PROS1: variants seen among roughly 807,000 people sequenced by gnomAD.
PROS1 encodes the protein protein S.
A neutral mutation model predicts 75.9 loss-of-function variants in PROS1; 29 were observed. That is an observed-to-expected ratio of 0.38 (90% CI 0.28 to 0.52). PROS1 has a LOEUF of 0.52. Among genes scored for constraint, PROS1 ranks in the 20% least tolerant of loss-of-function variants. The pLI, the probability that PROS1 is intolerant of heterozygous loss-of-function variation, is 0.83. For missense variants in PROS1, 680 were observed against 810.3 expected, an observed-to-expected ratio of 0.84 and a Z score of 1.95; for synonymous variants, 245 against 280.6, an observed-to-expected ratio of 0.87 and a Z score of 1.27.
intron 1 of PROS1, among the ~76,000 whole-genome samples, chr3:93,955,060 A>T (rs1161896768): frequency 6.6e-6 from 1 of 152,218 alleles, no homozygotes; most frequent in Admixed American, 6.5e-5. Flanking sequence ...GGCAACCATT[A>T]AAAAGTCAGG....
Position 93,906,578 on chromosome 3 carries a change from C to G in PROS1, c.347-435G>C, listed in dbSNP as rs541520208. ...TCCACTCTGATCTTAGAGGCATGGC[C>G]AGGGCTGCACGTGCCATGGAGCTGG... On this transcript the variant is annotated intron_variant, in intron 4 of 14. Coordinates refer to ENST00000394236, the MANE Select transcript of PROS1 (RefSeq NM_000313.4). Among the ~76,000 whole-genome samples, 6 of 152,314 alleles carry G rather than the reference C, an allele frequency of 3.9e-5. No individual in the cohort carries two copies. The South Asian group carries it at 1.2e-3, about 32-fold the overall frequency.
intron 1 of PROS1, among the ~76,000 whole-genome samples, chr3:93,952,728 C>A (rs563826308): frequency 1.3e-5 from 2 of 152,208 alleles, no homozygotes; most frequent in South Asian, 4.1e-4. Flanking sequence ...TAACTAAGAT[C>A]AGAGCAGAAC....
intron 1 of PROS1, among the ~76,000 whole-genome samples, chr3:93,962,550 T>G (rs1207236537): frequency 6.6e-6 from 1 of 152,182 alleles, no homozygotes; most frequent in Non-Finnish European, 1.5e-5. Flanking sequence ...CCCAAAAACC[T>G]TTAGTGATTA....
At chr3:93,936,494 G>T (rs748845305) in intron 1 of PROS1, among the ~76,000 whole-genome samples, 2 of 152,050 alleles carry the variant, frequency 1.3e-5, no homozygotes, top group Non-Finnish European at 2.9e-5. Flanking sequence ...GGGACTCAGG[G>T]GAGTTCTCTA....
At chr3:93,941,544 T>C (rs1212717525) in intron 1 of PROS1, among the ~76,000 whole-genome samples, 1 of 152,178 alleles carries the variant, frequency 6.6e-6, no homozygotes, top group Non-Finnish European at 1.5e-5. Context: ...GCTGACCCCA[T>C]AGATCCTAAA....
chr3:93,896,618 C>T lies in PROS1; in HGVS notation c.923G>A (p.Gly308Glu). Residue 308 changes from glycine (G) to glutamate (E), a missense_variant, in exon 9 of 15, where the codon GGG becomes GAG. By Grantham distance (98) the Gly-to-Glu change is moderately conservative. Transcript: ENST00000394236. ...ACGAAATTTTAAATATAAAACAACC[C>T]CTGCAAACTGCTCCGCCAAGTAAAG... ...ELLYLAEQFA[G>E]VVLYLKFRLP... 6.2e-7 allele frequency: 1 copy of T among 1,613,782 alleles called. No individual in the cohort carries two copies.
At chr3:93,884,605 C>T in intron 12 of PROS1, 123 bp downstream of exon 12, 1 of 1,121,380 alleles carries the variant, frequency 8.9e-7, no homozygotes, top group East Asian at 2.6e-5. Context: ...TATGAATAAG[C>T]ATAAGACTAG....
chr3:93,881,287 A>G (rs1261471299), intron 12 of PROS1, among the ~76,000 whole-genome samples: 1 of 152,090 alleles, frequency 6.6e-6, no homozygotes, highest in Non-Finnish European at 1.5e-5. Flanking sequence ...GCACCACTGC[A>G]CTCCAGCCTG....
At chr3:93,895,748 T>A (rs1677419876) in intron 9 of PROS1, among the ~76,000 whole-genome samples, 2 of 152,178 alleles carry the variant, frequency 1.3e-5, no homozygotes, top group Admixed American at 1.3e-4. Context: ...GGTGATCACC[T>A]GAGGTCAGGA....
chr3:93,918,534 G>A (rs1223888804), intron 3 of PROS1, among the ~76,000 whole-genome samples: 2 of 152,104 alleles, frequency 1.3e-5, no homozygotes, highest in Admixed American at 6.5e-5. Flanking sequence ...AAACCCAGCA[G>A]AAGGAAGAAA....
intron 7 of PROS1, among the ~76,000 whole-genome samples, chr3:93,899,426 G>A (rs1053172649): frequency 1.3e-5 from 2 of 151,822 alleles, no homozygotes; most frequent in African/African-American, 4.8e-5. Flanking sequence ...ATAATCCTTA[G>A]TATTAAAATT....
intron 3 of PROS1, among the ~76,000 whole-genome samples, chr3:93,914,762 G>A (rs914958226): frequency 1.3e-5 from 2 of 152,006 alleles, no homozygotes; most frequent in African/African-American, 4.8e-5. Context: ...TGAGATTTTG[G>A]TTCATCCATT....
At position 93,972,003 on chromosome 3, in the gene PROS1, T is replaced by A. The variant is rs60136336; in HGVS notation, c.76+1671A>T. 3.0e-3 allele frequency among the ~76,000 whole-genome samples: 453 copies of A among 152,302 alleles called. 15 individuals are homozygous for A. The East Asian group carries it at 0.045, about 15-fold the overall frequency. ...AGAATTAATTTATCTGCTCTATCAG[T>A]GTTATATATAACAAGTGTAATTCCC... On this transcript the variant is annotated intron_variant, in intron 1 of 14. Coordinates refer to ENST00000394236, the MANE Select transcript of PROS1 (RefSeq NM_000313.4).
At chr3:93,921,917 T>TGA (rs1233809528) in intron 3 of PROS1, among the ~76,000 whole-genome samples, 5 of 152,316 alleles carry the variant, frequency 3.3e-5, no homozygotes, top group African/African-American at 1.2e-4. Flanking sequence ...TTTTAAAACT[T>TGA]CTTGTTACTT....
At chr3:93,950,703 A>C (rs143942968) in intron 1 of PROS1, among the ~76,000 whole-genome samples, 3,335 of 152,338 alleles carry the variant, frequency 0.022, 72 homozygotes, top group Middle Eastern at 0.044. Context: ...ATTAAAGACC[A>C]AAGGTAGATA....
At chr3:93,950,651 G>A (rs1157445950) in intron 1 of PROS1, among the ~76,000 whole-genome samples, 1 of 152,188 alleles carries the variant, frequency 6.6e-6, no homozygotes, top group East Asian at 1.9e-4. Context: ...CTAACAAACA[G>A]AAAAGACATT....
chr3:93,955,403 A>G (rs1709582820), intron 1 of PROS1, among the ~76,000 whole-genome samples: 1 of 152,248 alleles, frequency 6.6e-6, no homozygotes, highest in Non-Finnish European at 1.5e-5. Context: ...GTCATAAAAA[A>G]GGATGAGTTC....
intron 1 of PROS1, among the ~76,000 whole-genome samples, chr3:93,959,367 G>T (rs1301616544): frequency 2.0e-5 from 3 of 152,088 alleles, no homozygotes; most frequent in African/African-American, 7.2e-5. Context: ...AAAGAAAAAA[G>T]AAATGCCCAT....
chr3:93,874,099 C>G lies in PROS1; in HGVS notation c.*146G>C. 1.1e-6 allele frequency: 1 copy of G among 931,682 alleles called. No individual in the cohort carries two copies. 57.7% of individuals were successfully genotyped at this position (931,682 alleles called of 1,614,324 possible). A position where few individuals can be genotyped will look rare whatever the true frequency, so the allele number is the denominator to read the frequency against. ...TTTATATCACAACAGAATTTTTTTCCTTGACAAAGGACCTTTTAAAAATCC... is the reference window on the plus strand; with the variant it reads ...TTTATATCACAACAGAATTTTTTTCGTTGACAAAGGACCTTTTAAAAATCC... On this transcript the variant is annotated 3_prime_UTR_variant, in exon 15 of 15. Coordinates refer to ENST00000394236, the MANE Select transcript of PROS1 (RefSeq NM_000313.4).
Sources: allele counts gnomAD v4.1 joint callset (sites outside exome capture counted in the v4.1 genomes callset), GRCh38; gene constraint gnomAD v4.1.1; transcripts MANE v1.5; gene names NCBI Gene and HGNC (gene_info 2026-07-23, HGNC 2026-07-21).